ABCG5: variants seen among roughly 807,000 people sequenced by gnomAD.
The protein encoded by ABCG5 is ATP binding cassette subfamily G member 5, also known as ATP-binding cassette sub-family G member 5.
In ABCG5, 64 loss-of-function variants were observed where a neutral mutation model predicts 64.5. That is an observed-to-expected ratio of 0.99 (90% confidence interval 0.81 to 1.22). ABCG5 has a LOEUF of 1.22. Ranked by LOEUF, ABCG5 falls within the 50% of genes most tolerant of loss-of-function variation. The probability of loss-of-function intolerance (pLI) is 0.00; values close to 1 mark genes in which losing one functional copy is unlikely to be tolerated. For synonymous variants in ABCG5, 385 were observed against 326.3 expected, an observed-to-expected ratio of 1.18 and a Z score of -1.94; for missense variants, 908 against 829.5, an observed-to-expected ratio of 1.09 and a Z score of -1.16.
chr2:43,809,957 G>C, downstream of ABCG5: 1 of 1,305,266 alleles, frequency 7.7e-7, no homozygotes, highest in Non-Finnish European at 9.8e-7. Flanking sequence ...AATTATTGTA[G>C]AACCACGTGT....
chr2:43,808,822 A>T (rs568818756), downstream of ABCG5, among the ~76,000 whole-genome samples: 75 of 152,270 alleles, frequency 4.9e-4, no homozygotes, highest in African/African-American at 1.7e-3. Context: ...CTAATTATTT[A>T]ATCAGTCCTT....
intron 6 of ABCG5, among the ~76,000 whole-genome samples, chr2:43,825,590 GTTGTTGTT>G (rs1316000530): frequency 6.6e-6 from 1 of 151,468 alleles, no homozygotes; most frequent in Non-Finnish European, 1.5e-5. Flanking sequence ...GGCTTAATTT[GTTGTTGTT>G]TTGTTGTTAT....
chr2:43,827,244 C>A (rs541157128), intron 5 of ABCG5, among the ~76,000 whole-genome samples: 1 of 150,672 alleles, frequency 6.6e-6, no homozygotes, highest in Non-Finnish European at 1.5e-5. Flanking sequence ...AGAATCGCTT[C>A]AACCTGGGAG....
chr2:43,838,859 C>A, upstream of ABCG5: 1 of 1,283,734 alleles, frequency 7.8e-7, no homozygotes, highest in Non-Finnish European at 1.1e-6. The surrounding 1 kb of genome is among the most constrained non-coding windows in gnomAD (Gnocchi z 4.2). Flanking sequence ...TTAGCCAGCG[C>A]GTCCTTATCT....
At chr2:43,815,167 G>A (rs1666735396) in intron 11 of ABCG5, among the ~76,000 whole-genome samples, 1 of 152,178 alleles carries the variant, frequency 6.6e-6, no homozygotes. Flanking sequence ...GAAAAAGGAA[G>A]GAGAGACCGA....
At chr2:43,819,653 G>T (rs1201870926) in intron 11 of ABCG5, among the ~76,000 whole-genome samples, 2 of 151,912 alleles carry the variant, frequency 1.3e-5, no homozygotes, top group Non-Finnish European at 2.9e-5. Flanking sequence ...TTCTTCTCTT[G>T]GTATAATGGT....
At position 43,837,814 on chromosome 2, in the gene ABCG5, A is replaced by G; in HGVS notation, c.265+20T>C. 1 of 1,613,574 alleles carries G rather than the reference A, an allele frequency of 6.2e-7. No individual in the cohort carries two copies. Among genetic ancestry groups the G allele is most frequent in the Non-Finnish European group, 8.5e-7 (1 of 1,179,736 alleles). The stretch of plus-strand genomic sequence containing the variant: ...TAACTCAAGCCAAATCCTTTTTAGA[A>G]TCCTCCTTCCCAAGCTTACCTGAGC... On this transcript the variant is annotated intron_variant, in intron 2 of 12. Transcript: ENST00000405322.
chr2:43,815,044 A>G (rs1026345164), intron 11 of ABCG5, among the ~76,000 whole-genome samples: 1 of 152,190 alleles, frequency 6.6e-6, no homozygotes, highest in Non-Finnish European at 1.5e-5. Flanking sequence ...TACTGATATA[A>G]ACGTACAAGA....
chr2:43,812,787 C>G lies in ABCG5; in HGVS notation c.*329G>C. 3.6e-6 allele frequency: 1 copy of G among 275,358 alleles called. No individual in the cohort carries two copies. The highest frequency in any genetic ancestry group is 5.5e-5 in the South Asian group (1 of 18,248). 17.1% of individuals were successfully genotyped at this position (275,358 alleles called of 1,614,324 possible). ...CAATGTAAACATATTTTTAAGCTGA[C>G]CTATTTTTTTCTGTGCCTAGAACAA... is the stretch of plus-strand genomic sequence containing the variant. On this transcript the variant is annotated 3_prime_UTR_variant, in exon 13 of 13. Coordinates refer to ENST00000405322, the MANE Select transcript of ABCG5 (RefSeq NM_022436.3).
chr2:43,828,920 G>A (rs921539721), intron 4 of ABCG5, among the ~76,000 whole-genome samples: 1 of 151,784 alleles, frequency 6.6e-6, no homozygotes, highest in Non-Finnish European at 1.5e-5. Context: ...AGGCAAGATG[G>A]CACCACTGCA....
At chr2:43,836,180 A>T (rs1668252016) in intron 2 of ABCG5, among the ~76,000 whole-genome samples, 3 of 151,798 alleles carry the variant, frequency 2.0e-5, no homozygotes. Flanking sequence ...ACCTCAAGTG[A>T]TCCGCCCGCC....
chr2:43,838,405 T>C lies in ABCG5; in HGVS notation c.143+132A>G. ...GCACAGCCCTTCTCCCTCTCCTCTC[T>C]CCACCCGATCCACTAAAGAGGGAGC... On this transcript the variant is annotated intron_variant, in intron 1 of 12. Coordinates refer to ENST00000405322, the MANE Select transcript of ABCG5 (RefSeq NM_022436.3). The surrounding 1 kb of genome is among the most constrained non-coding windows in gnomAD (Gnocchi z 4.2). The C allele has an allele frequency of 3.5e-6, 3 of 846,930 alleles. No individual in the cohort carries two copies. Among genetic ancestry groups the C allele is most frequent in the Non-Finnish European group, 5.5e-6 (3 of 546,232 alleles). 52.5% of individuals were successfully genotyped at this position (846,930 alleles called of 1,614,324 possible).
At chr2:43,814,417 C>T in intron 12 of ABCG5, 60 bp downstream of exon 12, 2 of 1,084,150 alleles carry the variant, frequency 1.8e-6, no homozygotes, top group Non-Finnish European at 2.8e-6. Context: ...TACATTTCCT[C>T]CAAGAAATTG....
chr2:43,818,612 G>A (rs1237462512), intron 11 of ABCG5, among the ~76,000 whole-genome samples: 1 of 152,162 alleles, frequency 6.6e-6, no homozygotes, highest in Non-Finnish European at 1.5e-5. Flanking sequence ...TCTGTACATT[G>A]CTGGCTTGAT....
upstream of ABCG5, chr2:43,839,033 G>C (rs1054093595): frequency 6.4e-7 from 1 of 1,550,512 alleles, no homozygotes; most frequent in Non-Finnish European, 8.7e-7. Context: ...TGCAGCCCAG[G>C]GTCACAGACC....
intron 4 of ABCG5, among the ~76,000 whole-genome samples, chr2:43,830,624 C>A (rs4148175): frequency 5.9e-5 from 9 of 152,226 alleles, no homozygotes; most frequent in Non-Finnish European, 4.4e-5. Flanking sequence ...GGATTTTACA[C>A]GCTGTGGGCT....
At chr2:43,838,891 C>T (rs1668451621), upstream of ABCG5, 5 of 1,168,070 alleles carry the variant, frequency 4.3e-6, no homozygotes, top group Admixed American at 6.4e-5. This position sits in a 1 kb window ranked among gnomAD's most constrained non-coding sequence, Gnocchi z 4.2. Flanking sequence ...AGAACACACA[C>T]GTTTGTAGGT....
At chr2:43,833,801 C>T (rs1381741640) in intron 2 of ABCG5, among the ~76,000 whole-genome samples, 1 of 152,236 alleles carries the variant, frequency 6.6e-6, no homozygotes. Context: ...TATCTTGCCT[C>T]AGTCTCCCGA....
chr2:43,808,162 G>A (rs1188246306), downstream of ABCG5, among the ~76,000 whole-genome samples: 4 of 151,600 alleles, frequency 2.6e-5, no homozygotes, highest in African/African-American at 9.7e-5. Flanking sequence ...GATAACTGGT[G>A]AACTGAATTA....
Sources: allele counts gnomAD v4.1 joint callset (sites outside exome capture counted in the v4.1 genomes callset), GRCh38; gene constraint gnomAD v4.1.1; non-coding constraint Gnocchi (gnomAD v3.1); transcripts MANE v1.5; gene names NCBI Gene and HGNC (gene_info 2026-07-23, HGNC 2026-07-21).